Variants in ANO4 observed in about 807,000 individuals in gnomAD.
ANO4 encodes anoctamin-4.
A neutral mutation model predicts 141.9 loss-of-function variants in ANO4; 69 were observed. That is an observed-to-expected ratio of 0.49 (90% CI 0.40 to 0.59). The LOEUF is 0.59. Among genes scored for constraint, ANO4 ranks in the 20% least tolerant of loss-of-function variants. The pLI is 0.00. For synonymous variants in ANO4, 350 were observed against 394.3 expected, an observed-to-expected ratio of 0.89 and a Z score of 1.33; for missense variants, 894 against 1,162.2, an observed-to-expected ratio of 0.77 and a Z score of 3.36.
intron 21 of ANO4, among the ~76,000 whole-genome samples, chr12:101,098,763 C>G (rs2050080239): frequency 6.6e-6 from 1 of 152,104 alleles, no homozygotes; most frequent in Non-Finnish European, 1.5e-5. Flanking sequence ...TCATAGACAT[C>G]AAGAGAATTA....
chr12:100,899,688 C>T (rs1651076867), intron 1 of ANO4, among the ~76,000 whole-genome samples: 1 of 152,210 alleles, frequency 6.6e-6, no homozygotes, highest in South Asian at 2.1e-4. Flanking sequence ...GGTGACCCTT[C>T]TTACCTTTGA....
intron 1 of ANO4, among the ~76,000 whole-genome samples, chr12:100,836,791 A>G (rs76429202): frequency 2.6e-5 from 4 of 152,276 alleles, no homozygotes; most frequent in Non-Finnish European, 4.4e-5. Context: ...AGAGATGCAT[A>G]CAAGAATGCT....
At chr12:100,812,378 G>A (rs141913211) in intron 1 of ANO4, among the ~76,000 whole-genome samples, 1 of 152,204 alleles carries the variant, frequency 6.6e-6, no homozygotes, top group African/African-American at 2.4e-5. Context: ...TACAAAACAG[G>A]CAATATTTTA....
At chr12:100,960,345 T>A (rs2043361463) in intron 5 of ANO4, among the ~76,000 whole-genome samples, 1 of 152,164 alleles carries the variant, frequency 6.6e-6, no homozygotes, top group African/African-American at 2.4e-5. Context: ...AGTTGAGGTA[T>A]AACCTATCAG....
intron 8 of ANO4, among the ~76,000 whole-genome samples, chr12:101,014,883 G>A (rs2046249546): frequency 1.3e-5 from 2 of 152,084 alleles, no homozygotes; most frequent in Admixed American, 1.3e-4. Context: ...CACCCAGACT[G>A]GAGTGTTGTG....
chr12:100,958,406 C>G (rs530758806), intron 5 of ANO4, among the ~76,000 whole-genome samples: 9 of 152,172 alleles, frequency 5.9e-5, no homozygotes, highest in Non-Finnish European at 1.0e-4. Context: ...ATTAAAAAAT[C>G]ATATAGTGCC....
intron 1 of ANO4, among the ~76,000 whole-genome samples, chr12:100,853,358 C>G (rs1027510304): frequency 2.0e-5 from 3 of 151,920 alleles, no homozygotes; most frequent in African/African-American, 7.2e-5. Context: ...GAAATATTTC[C>G]TTACTCCAAC....
intron 14 of ANO4, among the ~76,000 whole-genome samples, chr12:101,066,291 G>A (rs2048582232): frequency 6.6e-6 from 1 of 152,076 alleles, no homozygotes; most frequent in Admixed American, 6.5e-5. Context: ...GAAATAAATG[G>A]CACCCAAATT....
At chr12:101,088,573 C>T (rs992464952) in intron 17 of ANO4, among the ~76,000 whole-genome samples, 1 of 151,706 alleles carries the variant, frequency 6.6e-6, no homozygotes, top group East Asian at 1.9e-4. Flanking sequence ...TGGAACAGGG[C>T]CTGGCACATA....
chr12:100,718,165 A>T (rs1386917191), intron 1 of ANO4, among the ~76,000 whole-genome samples: 2 of 152,250 alleles, frequency 1.3e-5, no homozygotes, highest in African/African-American at 4.8e-5. Flanking sequence ...ATACATATAT[A>T]CATGTGTGGT....
chr12:101,105,790 T>G (rs1593283766), intron 22 of ANO4, among the ~76,000 whole-genome samples: 1 of 152,126 alleles, frequency 6.6e-6, no homozygotes, highest in East Asian at 1.9e-4. Flanking sequence ...AATTGCAAAA[T>G]ATAAATCTGG....
intron 1 of ANO4, among the ~76,000 whole-genome samples, chr12:100,894,234 A>C (rs1331595175): frequency 6.6e-6 from 1 of 152,082 alleles, no homozygotes; most frequent in South Asian, 2.1e-4. Context: ...AAATAGCCTG[A>C]CACTAAGTGA....
chr12:100,779,115 A>G (rs1438056933), intron 3 of ANO4, among the ~76,000 whole-genome samples: 3 of 152,218 alleles, frequency 2.0e-5, no homozygotes, highest in Non-Finnish European at 4.4e-5. Flanking sequence ...ACATATGCAT[A>G]TATTCCTGGG....
intron 1 of ANO4, among the ~76,000 whole-genome samples, chr12:100,814,079 TTAATA>T (rs2035594107): frequency 2.0e-5 from 3 of 152,120 alleles, no homozygotes; most frequent in Admixed American, 2.0e-4. Flanking sequence ...TATATTTACT[TTAATA>T]TAAGTCTAAC....
intron 3 of ANO4, among the ~76,000 whole-genome samples, chr12:100,754,017 T>C (rs962174304): frequency 6.6e-6 from 1 of 152,222 alleles, no homozygotes; most frequent in East Asian, 1.9e-4. Flanking sequence ...TCAGTTCTTT[T>C]GCTCTTGTGA....
chr12:100,975,467 GC>G (rs1566078233), intron 7 of ANO4, among the ~76,000 whole-genome samples: 1 of 148,488 alleles, frequency 6.7e-6, no homozygotes, highest in Non-Finnish European at 1.5e-5. Flanking sequence ...TGTCACCCAG[GC>G]TGGAGTGCAG....
chr12:101,028,154 C>G (rs372004220), intron 9 of ANO4, among the ~76,000 whole-genome samples: 19 of 152,246 alleles, frequency 1.2e-4, no homozygotes, highest in African/African-American at 4.1e-4. Context: ...AAAAGAAGTC[C>G]TCACAAAAAC....
intron 3 of ANO4, among the ~76,000 whole-genome samples, chr12:100,777,147 C>T (rs1468802986): frequency 6.8e-6 from 1 of 147,190 alleles, no homozygotes; most frequent in Non-Finnish European, 1.5e-5. Flanking sequence ...GGCTGGAGTG[C>T]AGTGGCGTGA....
intron 8 of ANO4, among the ~76,000 whole-genome samples, chr12:100,997,668 G>A (rs2045450915): frequency 6.6e-6 from 1 of 152,076 alleles, no homozygotes; most frequent in African/African-American, 2.4e-5. Context: ...CTAGAAAATT[G>A]GCCTTTACAC....
Sources: allele counts gnomAD v4.1 joint callset (sites outside exome capture counted in the v4.1 genomes callset), GRCh38; gene constraint gnomAD v4.1.1; transcripts MANE v1.5; gene names NCBI Gene and HGNC (gene_info 2026-07-23, HGNC 2026-07-21).